Variants in CSMD1 observed in about 807,000 individuals in gnomAD.
CSMD1 encodes the protein CUB and sushi domain-containing protein 1.
Under a neutral mutation model 417.5 loss-of-function variants are expected in CSMD1, and 213 were observed. The ratio of observed to expected loss-of-function variants is 0.51; its 90% CI spans 0.46 to 0.57. The LOEUF is 0.57. Among genes scored for constraint, CSMD1 ranks in the 20% least tolerant of loss-of-function variants. The pLI, the probability that CSMD1 is intolerant of heterozygous loss-of-function variation, is 0.00. For missense variants in CSMD1, 6,923 were observed against 4,529.7 expected (o/e 1.53, Z -15.17); for synonymous variants, 2,862 against 1,736.8 (o/e 1.65, Z -16.11).
intron 50 of CSMD1, 133 bp from the exon 51 acceptor site, chr8:3,029,646 C>T: frequency 1.5e-6 from 1 of 665,272 alleles, no homozygotes; most frequent in Non-Finnish European, 2.5e-6. Context: ...TACGTATTAT[C>T]TCAGTGTTTC....
At chr8:3,780,914 G>T (rs1412784188) in intron 5 of CSMD1, among the ~76,000 whole-genome samples, 1 of 152,146 alleles carries the variant, frequency 6.6e-6, no homozygotes, top group African/African-American at 2.4e-5. Flanking sequence ...GGAGAATTTA[G>T]GTAAGACCAT....
chr8:3,369,502 C>G (rs1460059562), intron 18 of CSMD1, 132 bp from the exon 19 acceptor site: 2 of 596,972 alleles, frequency 3.4e-6, no homozygotes, highest in South Asian at 2.0e-5. Flanking sequence ...AAAAACCAAG[C>G]AGAACCTGAG....
intron 1 of CSMD1, among the ~76,000 whole-genome samples, chr8:4,770,279 T>C (rs993911615): frequency 6.7e-6 from 1 of 148,182 alleles, no homozygotes; most frequent in Non-Finnish European, 1.5e-5. Flanking sequence ...TGTAAATATA[T>C]ATGTGTATGG....
chr8:4,916,957 C>T (rs1044802075), intron 1 of CSMD1, among the ~76,000 whole-genome samples: 5 of 152,120 alleles, frequency 3.3e-5, no homozygotes, highest in Admixed American at 2.6e-4. Flanking sequence ...ATTAGGCATC[C>T]GCAGGTGTAC....
chr8:4,115,069 G>C (rs1355975822), intron 3 of CSMD1, among the ~76,000 whole-genome samples: 3 of 152,162 alleles, frequency 2.0e-5, no homozygotes, highest in Non-Finnish European at 4.4e-5. Context: ...GCTACTCCGA[G>C]CAAAATGCTG....
At chr8:3,312,407 T>C (rs925937813) in intron 23 of CSMD1, among the ~76,000 whole-genome samples, 5 of 152,186 alleles carry the variant, frequency 3.3e-5, no homozygotes, top group African/African-American at 1.2e-4. Context: ...AAAAGCTCTA[T>C]AACTTAAAGC....
At chr8:3,496,415 A>G (rs370207760) in intron 10 of CSMD1, among the ~76,000 whole-genome samples, 1 of 151,994 alleles carries the variant, frequency 6.6e-6, no homozygotes, top group Non-Finnish European at 1.5e-5. Flanking sequence ...ACCTACAAGA[A>G]CTCACTGAAC....
At chr8:4,826,927 G>A (rs559976101) in intron 1 of CSMD1, among the ~76,000 whole-genome samples, 3 of 152,242 alleles carry the variant, frequency 2.0e-5, no homozygotes, top group South Asian at 4.2e-4. Context: ...TCTAGTGCCA[G>A]CTTACTACTC....
At chr8:4,773,710 C>T (rs981978301) in intron 1 of CSMD1, among the ~76,000 whole-genome samples, 1 of 152,020 alleles carries the variant, frequency 6.6e-6, no homozygotes, top group African/African-American at 2.4e-5. Context: ...TGTATAAGCA[C>T]CACTCTTATG....
intron 9 of CSMD1, 109 bp from the exon 10 acceptor site, chr8:3,575,175 A>C: frequency 2.0e-6 from 2 of 1,016,792 alleles, no homozygotes; most frequent in Non-Finnish European, 2.7e-6. Context: ...CACAGTAAAA[A>C]AAAAAAAAAA....
At chr8:4,309,259 C>A (rs6984591) in intron 3 of CSMD1, among the ~76,000 whole-genome samples, 121,762 of 151,682 alleles carry the variant, frequency 0.8, 49,228 homozygotes, top group African/African-American at 0.9. Flanking sequence ...TAATTCACAC[C>A]AACTAATTAT....
chr8:4,000,050 T>C (rs923077217), intron 4 of CSMD1, among the ~76,000 whole-genome samples: 1 of 152,264 alleles, frequency 6.6e-6, no homozygotes, highest in African/African-American at 2.4e-5. Flanking sequence ...TATACTACAA[T>C]TTGAAAACTG....
chr8:4,519,062 C>T (rs1044568549), intron 2 of CSMD1, among the ~76,000 whole-genome samples: 27 of 152,248 alleles, frequency 1.8e-4, no homozygotes, highest in Non-Finnish European at 1.8e-4. Context: ...TCTTTTAGAA[C>T]AAGAGTCCAT....
At chr8:4,583,972 A>C (rs764359285) in intron 2 of CSMD1, among the ~76,000 whole-genome samples, 21 of 152,014 alleles carry the variant, frequency 1.4e-4, no homozygotes, top group South Asian at 4.2e-4. Context: ...CCTGAAGCCA[A>C]CGAGACCACA....
chr8:4,459,867 C>T (rs1023645253), intron 2 of CSMD1, among the ~76,000 whole-genome samples: 6 of 152,242 alleles, frequency 3.9e-5, no homozygotes, highest in Middle Eastern at 3.4e-3. Flanking sequence ...ACCAGAGCCT[C>T]AAAATATATA....
chr8:3,794,002 G>A (rs1171358703), intron 5 of CSMD1, among the ~76,000 whole-genome samples: 1 of 152,136 alleles, frequency 6.6e-6, no homozygotes, highest in East Asian at 1.9e-4. Flanking sequence ...CTGAACCCCT[G>A]CTTATCCCAC....
At chr8:3,770,923 C>T (rs552287004) in intron 5 of CSMD1, among the ~76,000 whole-genome samples, 76 of 152,076 alleles carry the variant, frequency 5.0e-4, no homozygotes, top group Non-Finnish European at 7.4e-4. Flanking sequence ...TTTCAGATAG[C>T]TTGGTGAATC....
At chr8:4,928,300 A>G (rs1259512764) in intron 1 of CSMD1, among the ~76,000 whole-genome samples, 3 of 151,972 alleles carry the variant, frequency 2.0e-5, no homozygotes, top group African/African-American at 7.3e-5. Context: ...TATGTGCACA[A>G]TCCCCTTTAT....
At chr8:2,978,238 C>T (rs894044932) in intron 55 of CSMD1, among the ~76,000 whole-genome samples, 5 of 152,136 alleles carry the variant, frequency 3.3e-5, no homozygotes, top group South Asian at 2.1e-4. Flanking sequence ...CTGGGCTGAG[C>T]GAGAGTAAGA....
Sources: allele counts gnomAD v4.1 joint callset (sites outside exome capture counted in the v4.1 genomes callset), GRCh38; gene constraint gnomAD v4.1.1; transcripts MANE v1.5; gene names NCBI Gene and HGNC (gene_info 2026-07-23, HGNC 2026-07-21).